Variants in NXPE3 observed in about 807,000 individuals in gnomAD.
The protein encoded by NXPE3 is neurexophilin and PC-esterase domain family member 3.
NXPE3 carries 26 observed loss-of-function variants against 46.1 expected under a neutral mutation model. The observed-to-expected ratio is 0.56, with a 90% confidence interval of 0.41 to 0.78. The LOEUF (loss-of-function observed/expected upper bound fraction) is 0.78. Ranked by LOEUF, NXPE3 falls within the 30% of genes least tolerant of loss-of-function variation. The pLI, the probability that NXPE3 is intolerant of heterozygous loss-of-function variation, is 0.00. For synonymous variants in NXPE3, 272 were observed against 257.9 expected (o/e 1.05, Z -0.52); for missense variants, 620 against 686.0 (o/e 0.90, Z 1.07).
intron 4 of NXPE3, among the ~76,000 whole-genome samples, chr3:101,797,714 G>T: frequency 1.9e-5 from 1 of 51,398 alleles, no homozygotes; most frequent in African/African-American, 7.9e-5. Context: ...TGAGAATGAT[G>T]GTTTCCAATT....
intron 7 of NXPE3, among the ~76,000 whole-genome samples, chr3:101,818,854 C>G (rs933847835): frequency 5.0e-5 from 7 of 140,814 alleles, no homozygotes; most frequent in Admixed American, 3.8e-4. Flanking sequence ...AAACCTCTGC[C>G]TCGCAGGTTC....
At chr3:101,801,132 T>C in intron 4 of NXPE3, 103 bp from the exon 5 acceptor site, 2 of 1,231,602 alleles carry the variant, frequency 1.6e-6, no homozygotes, top group Non-Finnish European at 2.3e-6. Context: ...ATTGAGCTCC[T>C]GGAGCTAAAA....
intron 4 of NXPE3, 36 bp downstream of exon 4, chr3:101,785,725 G>T: frequency 6.4e-7 from 1 of 1,553,694 alleles, no homozygotes; most frequent in Non-Finnish European, 8.9e-7. Context: ...AACTAAGGGA[G>T]CCGAGTCTGG....
chr3:101,807,066 A>C lies in NXPE3; in HGVS notation c.862A>C (p.Lys288Gln). 6.2e-7 allele frequency: 1 copy of C among 1,613,082 alleles called. No individual in the cohort carries two copies. Among genetic ancestry groups the C allele is most frequent in the Non-Finnish European group, 8.5e-7 (1 of 1,179,080 alleles). ...SAFFQSGVNIKMPVNSSGPDW... is the reference protein window; with the variant it reads ...SAFFQSGVNIQMPVNSSGPDW... ...TTCCTCTTAAAGTGGTGTCAATATC[A>C]AAATGCCAGTCAACTCCAGTGGACC... The change falls in exon 6 of 8, where the codon AAA becomes CAA. Residue 288 changes from lysine to glutamine, a missense_variant. Coordinates refer to ENST00000273347, the MANE Select transcript of NXPE3 (RefSeq NM_145037.4).
At position 101,822,067 on chromosome 3, in the gene NXPE3, A is replaced by G. The variant is rs1050114472; in HGVS notation, c.*113A>G. On this transcript the variant is annotated 3_prime_UTR_variant, in exon 8 of 8. Transcript: ENST00000273347. ...TGCCCTTAATAAGTATAAAATTTCA[A>G]AAAGATCTGGACTTAATATGATGAC... 5 of 908,790 alleles carry G rather than the reference A, an allele frequency of 5.5e-6. No homozygotes were observed. The highest frequency in any genetic ancestry group is 3.3e-5 in the African/African-American group (2 of 59,880). The allele number at this position is 908,790 out of a possible 1,614,324, so 56.3% of individuals were successfully genotyped here.
At position 101,801,766 on chromosome 3, in the gene NXPE3, T is replaced by C; in HGVS notation, c.625T>C (p.Tyr209His). Residue 209 changes from tyrosine (Y) to histidine (H), a missense_variant, in exon 5 of 8, where the codon TAT becomes CAT. Tyr to His is a moderately conservative substitution (Grantham distance 83, BLOSUM62 2). Coordinates refer to ENST00000273347, the MANE Select transcript of NXPE3 (RefSeq NM_145037.4). ...ACAGGAAGATAAACCAGACAGGGTC[T>C]ATTTCAAGAGTCTCTTCCGTTCAGG... ...RLQEDKPDRV[Y>H]FKSLFRSGRI... The C allele has an allele frequency of 6.2e-7, 1 of 1,614,242 alleles. No individual in the cohort carries two copies. The highest frequency in any genetic ancestry group is 1.1e-5 in the South Asian group (1 of 91,088).
chr3:101,825,591 A>G lies in NXPE3; in HGVS notation c.*3637A>G, dbSNP rs367952421. ...ATTTTCTTGCAGGTTTTTTAACCATATACTTATAGAGAATATGTAATTTGG... is the reference window on the plus strand; with the variant it reads ...ATTTTCTTGCAGGTTTTTTAACCATGTACTTATAGAGAATATGTAATTTGG... On this transcript the variant is annotated 3_prime_UTR_variant, in exon 8 of 8. Transcript: ENST00000273347. 36 of 152,318 alleles carry G rather than the reference A, an allele frequency of 2.4e-4. No homozygotes were observed. The highest frequency in any genetic ancestry group is 2.1e-3 in the East Asian group (11 of 5,192). 9.4% of individuals were successfully genotyped at this position (152,318 alleles called of 1,614,324 possible).
At chr3:101,808,301 G>A (rs961696250) in intron 6 of NXPE3, among the ~76,000 whole-genome samples, 2 of 152,240 alleles carry the variant, frequency 1.3e-5, no homozygotes, top group African/African-American at 4.8e-5. Flanking sequence ...GGCTTATGCA[G>A]ATGGCGGGCA....
At chr3:101,813,600 A>T (rs570288553) in intron 6 of NXPE3, among the ~76,000 whole-genome samples, 1 of 152,314 alleles carries the variant, frequency 6.6e-6, no homozygotes, top group East Asian at 1.9e-4. Flanking sequence ...AATAAAAAAT[A>T]TCCCTTCTGG....
In NXPE3 at chr3:101,801,401, G is replaced by T. The variant is rs143859535; in HGVS notation, c.260G>T (p.Arg87Leu). Residue 87 changes from arginine to leucine, a missense_variant, in exon 5 of 8, where the codon CGG (arginine) becomes CTG (leucine). Arg to Leu is a moderately radical substitution (Grantham distance 102, BLOSUM62 -2). Around this residue, in one of 3 missense-constraint regions of NXPE3, gnomAD observed 511 missense variants for 528.6 expected, o/e 0.97. Coordinates refer to ENST00000273347, the MANE Select transcript of NXPE3 (RefSeq NM_145037.4). ...GACTCCTTGCTGGCTGCCTTGCACC[G>T]GCAGGTTCCTGATGTGGGCCCAGTC... is the stretch of plus-strand genomic sequence containing the variant. ...EEDSLLAALH[R>L]QVPDVGPVPF... 5.0e-6 allele frequency: 8 copies of T among 1,614,162 alleles called. No individual in the cohort carries two copies. The Admixed American group carries it at 1.3e-4, about 27-fold the overall frequency.
intron 7 of NXPE3, 38 bp downstream of exon 7, chr3:101,817,039 C>A: frequency 1.3e-6 from 2 of 1,563,670 alleles, no homozygotes; most frequent in Non-Finnish European, 1.8e-6. Context: ...CTCTTTCCCA[C>A]ATCAGCTTTG....
chr3:101,801,409 C>T lies in NXPE3; in HGVS notation c.268C>T (p.Pro90Ser). ...GCTGGCTGCCTTGCACCGGCAGGTT[C>T]CTGATGTGGGCCCAGTCCCCTTTGT... is the stretch of plus-strand genomic sequence containing the variant. The part of the protein sequence containing the change: ...SLLAALHRQV[P>S]DVGPVPFVKS... Residue 90 changes from proline (P) to serine (S), a missense_variant, in exon 5 of 8, where the codon CCT becomes TCT. Transcript: ENST00000273347. 6.2e-7 allele frequency: 1 copy of T among 1,614,206 alleles called. No individual in the cohort carries two copies. The highest frequency in any genetic ancestry group is 8.5e-7 in the Non-Finnish European group (1 of 1,180,030).
intron 5 of NXPE3, among the ~76,000 whole-genome samples, chr3:101,804,609 C>T (rs1941322005): frequency 6.6e-6 from 1 of 152,124 alleles, no homozygotes; most frequent in Non-Finnish European, 1.5e-5. Flanking sequence ...TTTGGGGGAT[C>T]TTTGGGTATA....
intron 6 of NXPE3, among the ~76,000 whole-genome samples, chr3:101,812,844 A>G (rs1270704693): frequency 7.6e-6 from 1 of 131,082 alleles, no homozygotes; most frequent in Non-Finnish European, 1.6e-5. Flanking sequence ...AAAAAAAAAG[A>G]TATTTGGACT....
chr3:101,786,468 TA>T (rs1441055895), intron 4 of NXPE3, among the ~76,000 whole-genome samples: 1 of 152,232 alleles, frequency 6.6e-6, no homozygotes, highest in Admixed American at 6.5e-5. Flanking sequence ...GCAGAACACC[TA>T]ATCTCTCTGT....
At chr3:101,818,744 TATATATA>T (rs1188428737) in intron 7 of NXPE3, among the ~76,000 whole-genome samples, 1,403 of 29,932 alleles carry the variant, frequency 0.047, 98 homozygotes, top group Non-Finnish European at 0.069. Flanking sequence ...TATATATATA[TATATATA>T]TATTTTTTTT....
At chr3:101,804,510 T>C (rs1658543254) in intron 5 of NXPE3, among the ~76,000 whole-genome samples, 1 of 152,222 alleles carries the variant, frequency 6.6e-6, no homozygotes, top group African/African-American at 2.4e-5. Context: ...TCATAATTGA[T>C]TTTCATTTTC....
rs1171368165 is a variant in NXPE3 at position 101,782,267 on chromosome 3, C to G, written c.-340C>G. 2.0e-5 allele frequency: 3 copies of G among 152,112 alleles called. No homozygotes were observed. In the East Asian group the frequency reaches 5.8e-4, roughly 29 times the overall value. The allele number at this position is 152,112 out of a possible 1,614,324, so 9.4% of individuals were successfully genotyped here. A position where few individuals can be genotyped will look rare whatever the true frequency, so the allele number is the denominator to read the frequency against. On this transcript the variant is annotated 5_prime_UTR_variant, in exon 2 of 8. Transcript: ENST00000273347. ...TAATTTCTAGTTCCAGTAAGCATCTCTTCTTGGAAAATTTCCAAAAAAGGT... is the reference window on the plus strand; with the variant it reads ...TAATTTCTAGTTCCAGTAAGCATCTGTTCTTGGAAAATTTCCAAAAAAGGT...
intron 4 of NXPE3, among the ~76,000 whole-genome samples, chr3:101,786,369 T>C (rs935594722): frequency 2.0e-5 from 3 of 152,218 alleles, no homozygotes; most frequent in African/African-American, 4.8e-5. Context: ...TCTTTTCTTA[T>C]TGGGTTTTAT....
Sources: gnomAD v4.1 joint callset for allele counts (sites outside exome capture counted in the v4.1 genomes callset) on GRCh38, gnomAD v4.1.1 for gene constraint, gnomAD v4.1.1 regional missense constraint, MANE v1.5 for transcripts, NCBI Gene and HGNC (gene_info 2026-07-23, HGNC 2026-07-21) for gene names.